TMEM163: variants seen among roughly 807,000 people sequenced by gnomAD.
TMEM163 encodes transmembrane protein 163.
A neutral mutation model predicts 29.3 loss-of-function variants in TMEM163; 17 were observed. The ratio of observed to expected loss-of-function variants is 0.58; its 90% CI spans 0.40 to 0.87. TMEM163 has a LOEUF of 0.87. TMEM163 is among the 40% of genes least tolerant of loss of function. TMEM163 has a pLI of 0.00. For synonymous variants in TMEM163, 157 were observed against 160.6 expected, an observed-to-expected ratio of 0.98 and a Z score of 0.17; for missense variants, 303 against 381.5, an observed-to-expected ratio of 0.79 and a Z score of 1.71.
intron 4 of TMEM163, 64 bp from the exon 5 acceptor site, chr2:134,503,061 A>C: frequency 6.9e-7 from 1 of 1,450,674 alleles, no homozygotes. Context: ...GAGTCCACAC[A>C]ATTGACAGTG....
chr2:134,646,241 C>G (rs1683333923), intron 2 of TMEM163, among the ~76,000 whole-genome samples: 2 of 149,464 alleles, frequency 1.3e-5, no homozygotes, highest in African/African-American at 4.9e-5. Context: ...CCCGCCACCA[C>G]ATCTGGCGAA....
chr2:134,460,206 G>A lies in TMEM163; in HGVS notation c.668-2033C>T, dbSNP rs1178653655. Among the ~76,000 whole-genome samples the A allele has an allele frequency of 6.6e-6, 1 of 151,704 alleles. No homozygotes were observed. Among genetic ancestry groups the A allele is most frequent in the Non-Finnish European group, 1.5e-5 (1 of 67,956 alleles). On this transcript the variant is annotated intron_variant, in intron 6 of 7. Transcript: ENST00000281924. The surrounding 1 kb of genome is among the most constrained non-coding windows in gnomAD (Gnocchi z 4.3). Reference sequence around the variant, plus strand: ...GAGCAGCAGCCAGACTCTCCCGCAGGAAAGCCCCCGTCACGGGCTCAAATC... The same window carrying A: ...GAGCAGCAGCCAGACTCTCCCGCAGAAAAGCCCCCGTCACGGGCTCAAATC...
At chr2:134,457,912 G>A (rs1218146861) in intron 7 of TMEM163, 120 bp downstream of exon 7, 2 of 1,503,100 alleles carry the variant, frequency 1.3e-6, no homozygotes, top group South Asian at 1.3e-5. Flanking sequence ...GTCAGGCTCA[G>A]GAGGGGCACA....
intron 2 of TMEM163, among the ~76,000 whole-genome samples, chr2:134,677,094 G>C (rs1291367702): frequency 1.3e-5 from 2 of 152,108 alleles, no homozygotes; most frequent in African/African-American, 4.8e-5. Flanking sequence ...AGTGTAACTT[G>C]TGATGCTCCA....
At chr2:134,525,245 C>A (rs1429498432) in intron 4 of TMEM163, among the ~76,000 whole-genome samples, 1 of 152,206 alleles carries the variant, frequency 6.6e-6, no homozygotes, top group Non-Finnish European at 1.5e-5. Flanking sequence ...AGCTTGTTAG[C>A]AATGCAAATT....
At chr2:134,487,637 A>T (rs1290998376) in intron 5 of TMEM163, among the ~76,000 whole-genome samples, 1 of 152,216 alleles carries the variant, frequency 6.6e-6, no homozygotes, top group Non-Finnish European at 1.5e-5. Context: ...AAACATTAAG[A>T]CTCATTGTAA....
At chr2:134,515,793 A>G (rs1276114813) in intron 4 of TMEM163, among the ~76,000 whole-genome samples, 22 of 152,244 alleles carry the variant, frequency 1.4e-4, no homozygotes, top group Admixed American at 1.4e-3. Context: ...GGAAACACAC[A>G]CTAAAGTAAT....
At position 134,546,122 on chromosome 2, in the gene TMEM163, G is replaced by A. The variant is rs184231154; in HGVS notation, c.458+4448C>T. ...CTAGTTGGTAGAATTATAAAATGAT[G>A]TAACAACTATATAAAACAGTATAGA... On this transcript the variant is annotated intron_variant, in intron 4 of 7. Transcript: ENST00000281924. Among the ~76,000 whole-genome samples, 15 of 152,230 alleles carry A rather than the reference G, an allele frequency of 9.9e-5. No homozygotes were observed. The East Asian group carries it at 2.9e-3, about 29-fold the overall frequency.
At chr2:134,610,200 G>A (rs1682471027) in intron 2 of TMEM163, among the ~76,000 whole-genome samples, 1 of 152,210 alleles carries the variant, frequency 6.6e-6, no homozygotes, top group Admixed American at 6.5e-5. Flanking sequence ...CATCCCCTAA[G>A]TGAAGGCAGA....
intron 2 of TMEM163, among the ~76,000 whole-genome samples, chr2:134,619,977 A>G (rs1682693932): frequency 6.6e-6 from 1 of 152,256 alleles, no homozygotes; most frequent in Admixed American, 6.5e-5. Flanking sequence ...AAATTAATAA[A>G]GTGTAAGACT....
chr2:134,569,151 T>C (rs1681366346), intron 2 of TMEM163, among the ~76,000 whole-genome samples: 1 of 152,040 alleles, frequency 6.6e-6, no homozygotes, highest in Admixed American at 6.5e-5. Context: ...CAAAAGAAAA[T>C]AAAAATAGGA....
chr2:134,523,588 G>A (rs753545643), intron 4 of TMEM163, among the ~76,000 whole-genome samples: 4 of 152,086 alleles, frequency 2.6e-5, no homozygotes, highest in Non-Finnish European at 4.4e-5. Context: ...ATTACACCAC[G>A]TTTCTCAGCA....
chr2:134,496,463 G>A (rs572304662), intron 5 of TMEM163, among the ~76,000 whole-genome samples: 7 of 152,244 alleles, frequency 4.6e-5, no homozygotes, highest in Admixed American at 1.3e-4. Context: ...ACCTCTACAC[G>A]GCCTGCAGAG....
chr2:134,592,033 C>T (rs61621905), intron 2 of TMEM163, among the ~76,000 whole-genome samples: 6,482 of 152,198 alleles, frequency 0.043, 212 homozygotes, highest in Admixed American at 0.09. Context: ...AAAGGCAGGA[C>T]AGTTTGAAGC....
intron 2 of TMEM163, among the ~76,000 whole-genome samples, chr2:134,575,729 GGAGA>G (rs1223562586): frequency 1.3e-5 from 2 of 152,282 alleles, no homozygotes; most frequent in East Asian, 3.9e-4. Context: ...CTGGTTTCAT[GGAGA>G]GAGAACACAA....
chr2:134,459,875 T>C (rs1390279429), intron 6 of TMEM163, among the ~76,000 whole-genome samples: 3 of 152,004 alleles, frequency 2.0e-5, no homozygotes, highest in Non-Finnish European at 4.4e-5. Flanking sequence ...TTCCCAGCTT[T>C]TGTCCTGACC....
chr2:134,674,793 C>T (rs983190946), intron 2 of TMEM163, among the ~76,000 whole-genome samples: 5 of 152,092 alleles, frequency 3.3e-5, no homozygotes, highest in African/African-American at 1.2e-4. Flanking sequence ...GCGCAAAGGC[C>T]CTCACAACCT....
chr2:134,461,793 G>T (rs115636186), intron 6 of TMEM163, among the ~76,000 whole-genome samples: 4,320 of 152,288 alleles, frequency 0.028, 100 homozygotes, highest in East Asian at 0.067. Context: ...CTGGCTCCGG[G>T]TTGGGACCCA....
At chr2:134,505,503 G>A (rs546934917) in intron 4 of TMEM163, among the ~76,000 whole-genome samples, 1 of 152,166 alleles carries the variant, frequency 6.6e-6, no homozygotes, top group South Asian at 2.1e-4. Context: ...AAGGAAGGGG[G>A]TCTCGTGGGA....
Sources: gnomAD v4.1 joint callset for allele counts (sites outside exome capture counted in the v4.1 genomes callset) on GRCh38, gnomAD v4.1.1 for gene constraint, Gnocchi (gnomAD v3.1) non-coding constraint, MANE v1.5 for transcripts, NCBI Gene and HGNC (gene_info 2026-07-23, HGNC 2026-07-21) for gene names.